PPFIA2: variants seen among roughly 807,000 people sequenced by gnomAD.
PPFIA2 encodes the protein liprin-alpha-2.
A neutral mutation model predicts 175.5 loss-of-function variants in PPFIA2; 46 were observed. The observed-to-expected ratio is 0.26, with a 90% CI of 0.21 to 0.34. PPFIA2 has a LOEUF of 0.34. Among genes scored for constraint, PPFIA2 ranks in the 10% least tolerant of loss-of-function variants. The pLI is 1.00. For missense variants in PPFIA2, 1,179 were observed against 1,506.1 expected (o/e 0.78, Z 3.60); for synonymous variants, 568 against 511.4 (o/e 1.11, Z -1.49).
At position 81,446,601 on chromosome 12, in the gene PPFIA2, A is replaced by G. The variant is rs142587323; in HGVS notation, c.406-881T>C. Among the ~76,000 whole-genome samples, 81 of 152,362 alleles carry G rather than the reference A, an allele frequency of 5.3e-4. 1 individual carries two copies. Among genetic ancestry groups the G allele is most frequent in the African/African-American group, 1.9e-3 (80 of 41,580 alleles). On this transcript the variant is annotated intron_variant, in intron 5 of 32. Transcript: ENST00000549396. ...GAAGAACCACACACAGTTGGTGAGC[A>G]TTATAGGAAAGGTCTTCGGAAGCAT...
intron 3 of PPFIA2, among the ~76,000 whole-genome samples, chr12:81,732,220 C>G (rs563457951): frequency 6.6e-6 from 1 of 151,434 alleles, no homozygotes; most frequent in Non-Finnish European, 1.5e-5. Context: ...ATGGTGACTA[C>G]AAGAATGATA....
chr12:81,261,242 C>A (rs1016585700), intron 32 of PPFIA2: 2 of 152,060 alleles, frequency 1.3e-5, no homozygotes, highest in African/African-American at 4.8e-5. Context: ...TATTTTAAGA[C>A]GGAGTCATGC....
chr12:81,753,539 A>C (rs999801472), intron 3 of PPFIA2, among the ~76,000 whole-genome samples: 1 of 151,812 alleles, frequency 6.6e-6, no homozygotes, highest in African/African-American at 2.4e-5. Flanking sequence ...AAAAAAAAAA[A>C]CAATAGTTGG....
At chr12:81,377,674 C>G (rs549312437) in intron 9 of PPFIA2, among the ~76,000 whole-genome samples, 4 of 152,140 alleles carry the variant, frequency 2.6e-5, no homozygotes, top group African/African-American at 9.7e-5. Flanking sequence ...ATTCTCCTTA[C>G]TTTTCCTCCA....
At chr12:81,402,797 T>C (rs187056660) in intron 8 of PPFIA2, among the ~76,000 whole-genome samples, 1 of 152,090 alleles carries the variant, frequency 6.6e-6, no homozygotes, top group Non-Finnish European at 1.5e-5. Context: ...GAGGTTGCAG[T>C]GAGCCAAGTT....
chr12:81,641,012 T>C (rs1418323426), intron 4 of PPFIA2, among the ~76,000 whole-genome samples: 3 of 152,112 alleles, frequency 2.0e-5, no homozygotes, highest in Non-Finnish European at 2.9e-5. Flanking sequence ...ATAGGATACA[T>C]GTGGTATTTT....
At chr12:81,440,922 C>T (rs2050071452) in intron 6 of PPFIA2, among the ~76,000 whole-genome samples, 1 of 150,550 alleles carries the variant, frequency 6.6e-6, no homozygotes, top group Non-Finnish European at 1.5e-5. Flanking sequence ...AACTTTATAG[C>T]TTTAACTTAA....
At chr12:81,696,155 C>G (rs917406710) in intron 3 of PPFIA2, among the ~76,000 whole-genome samples, 1 of 152,056 alleles carries the variant, frequency 6.6e-6, no homozygotes, top group Non-Finnish European at 1.5e-5. Context: ...ATAAAACTTA[C>G]GTAACAATAG....
At chr12:81,723,178 A>C (rs2079573487) in intron 3 of PPFIA2, among the ~76,000 whole-genome samples, 1 of 150,972 alleles carries the variant, frequency 6.6e-6, no homozygotes, top group African/African-American at 2.4e-5. Context: ...CTGCTCTACT[A>C]ACTGCATGCA....
rs542698232 is a variant in PPFIA2 at position 81,712,984 on chromosome 12, C to A, written c.250-36140G>T. On this transcript the variant is annotated intron_variant, in intron 3 of 32. Coordinates refer to ENST00000549396, the MANE Select transcript of PPFIA2 (RefSeq NM_003625.5). ...TTCTAAAGGCAAGGGCTGGAGCCTA[C>A]ATCTCAAAGTCTAAAATGTCACGAT... is the stretch of plus-strand genomic sequence containing the variant. Among the ~76,000 whole-genome samples the A allele has an allele frequency of 2.4e-3, 363 of 151,234 alleles. 5 individuals carry two copies. The highest frequency in any genetic ancestry group is 8.5e-3 in the African/African-American group (353 of 41,510).
chr12:81,507,465 T>C, intron 4 of PPFIA2, among the ~76,000 whole-genome samples: 1 of 152,220 alleles, frequency 6.6e-6, no homozygotes, highest in South Asian at 2.1e-4. Context: ...GTTTTATATG[T>C]ACCTCCTAAG....
chr12:81,456,949 AT>A (rs952001080), intron 5 of PPFIA2, among the ~76,000 whole-genome samples: 9 of 149,264 alleles, frequency 6.0e-5, no homozygotes, highest in East Asian at 2.0e-4. Flanking sequence ...TAATGGGCAG[AT>A]TTTTTTTTCA....
At chr12:81,756,712 G>A (rs1304653339) in intron 2 of PPFIA2, among the ~76,000 whole-genome samples, 1 of 152,012 alleles carries the variant, frequency 6.6e-6, no homozygotes, top group Non-Finnish European at 1.5e-5. Flanking sequence ...ACCTGACTGA[G>A]AACACACAGC....
chr12:81,630,118 A>C (rs1461847932), intron 4 of PPFIA2, among the ~76,000 whole-genome samples: 1 of 152,206 alleles, frequency 6.6e-6, no homozygotes, highest in African/African-American at 2.4e-5. Flanking sequence ...AAGGCAAACA[A>C]GTAGATTCTT....
intron 4 of PPFIA2, among the ~76,000 whole-genome samples, chr12:81,499,885 T>C (rs140988846): frequency 4.9e-4 from 75 of 152,248 alleles, no homozygotes; most frequent in Admixed American, 8.5e-4. Context: ...GGGTCCCTGA[T>C]GATTTCCTAT....
At chr12:81,413,894 C>T (rs957228225) in intron 7 of PPFIA2, among the ~76,000 whole-genome samples, 4 of 151,638 alleles carry the variant, frequency 2.6e-5, no homozygotes, top group Admixed American at 6.6e-5. Flanking sequence ...TATTAATATA[C>T]ATGAAGAAAT....
intron 4 of PPFIA2, chr12:81,546,378 G>C (rs11834835): frequency 0.015 from 2,307 of 152,158 alleles, 48 homozygotes; most frequent in East Asian, 0.042. Context: ...GCCCAGTGTA[G>C]AGCTTGCAAT....
In PPFIA2 at chr12:81,537,348, T is replaced by TA. The variant is rs561618503; in HGVS notation, c.304-79483dup. Among the ~76,000 whole-genome samples, 88 of 151,646 alleles carry TA rather than the reference T, an allele frequency of 5.8e-4. 1 individual carries two copies. The East Asian group carries it at 0.016, about 27-fold the overall frequency. ...ATCTCCTTATTTCAACACTTATAAGTAAAAAAGAGACATAAATAAAAGAGG... is the reference window on the plus strand; with the variant it reads ...ATCTCCTTATTTCAACACTTATAAGTAAAAAAAGAGACATAAATAAAAGAGG... On this transcript the variant is annotated intron_variant, in intron 4 of 32. Coordinates refer to ENST00000549396, the MANE Select transcript of PPFIA2 (RefSeq NM_003625.5).
At chr12:81,407,981 C>T (rs2043228597) in intron 7 of PPFIA2, among the ~76,000 whole-genome samples, 1 of 152,100 alleles carries the variant, frequency 6.6e-6, no homozygotes, top group Non-Finnish European at 1.5e-5. Context: ...ACAGCATTTT[C>T]ATATGAAGTA....
Sources: gnomAD v4.1 joint callset for allele counts (sites outside exome capture counted in the v4.1 genomes callset) on GRCh38, gnomAD v4.1.1 for gene constraint, MANE v1.5 for transcripts, NCBI Gene and HGNC (gene_info 2026-07-23, HGNC 2026-07-21) for gene names.